GALNT17: variants seen among roughly 807,000 people sequenced by gnomAD.
The protein encoded by GALNT17 is polypeptide N-acetylgalactosaminyltransferase 17.
A neutral mutation model predicts 63.7 loss-of-function variants in GALNT17; 29 were observed. The observed-to-expected ratio is 0.46, with a 90% CI of 0.34 to 0.62. The LOEUF (loss-of-function observed/expected upper bound fraction) is 0.62. Ranked by LOEUF, GALNT17 falls within the 20% of genes least tolerant of loss-of-function variation. GALNT17 has a pLI of 0.01. For synonymous variants in GALNT17, 305 were observed against 318.3 expected (o/e 0.96, Z 0.45); for missense variants, 603 against 799.6 (o/e 0.75, Z 2.97).
intron 5 of GALNT17, among the ~76,000 whole-genome samples, chr7:71,480,885 T>C (rs1044406701): frequency 6.6e-6 from 1 of 152,182 alleles, no homozygotes; most frequent in African/African-American, 2.4e-5. Context: ...ATGGAGGCCT[T>C]GTGCTTTCAA....
chr7:71,285,994 A>T (rs945584186), intron 1 of GALNT17, among the ~76,000 whole-genome samples: 2 of 152,198 alleles, frequency 1.3e-5, no homozygotes, highest in African/African-American at 4.8e-5. Flanking sequence ...GCCAAACTAA[A>T]TGCGTTCCCA....
chr7:71,239,458 A>G (rs1789955664), intron 1 of GALNT17, among the ~76,000 whole-genome samples: 1 of 152,206 alleles, frequency 6.6e-6, no homozygotes, highest in African/African-American at 2.4e-5. Context: ...GACAACAGAG[A>G]GACACCCTGT....
At chr7:71,461,982 T>C (rs1251900063) in intron 5 of GALNT17, among the ~76,000 whole-genome samples, 1 of 152,172 alleles carries the variant, frequency 6.6e-6, no homozygotes, top group Non-Finnish European at 1.5e-5. Context: ...AGCAGTGCCA[T>C]TATTTGACTC....
At chr7:71,639,782 G>T (rs1209347618) in intron 6 of GALNT17, among the ~76,000 whole-genome samples, 30 of 152,186 alleles carry the variant, frequency 2.0e-4, no homozygotes, top group Non-Finnish European at 2.9e-5. Flanking sequence ...CATTGTTCTT[G>T]GTTGCAACTT....
At position 71,143,080 on chromosome 7, in the gene GALNT17, G is replaced by A. The variant is rs1327948922; in HGVS notation, c.238+10040G>A. Among the ~76,000 whole-genome samples the A allele has an allele frequency of 2.0e-5, 3 of 152,096 alleles. No homozygotes were observed. The East Asian group carries it at 5.8e-4, about 29-fold the overall frequency. On this transcript the variant is annotated intron_variant, in intron 1 of 10. Coordinates refer to ENST00000333538, the MANE Select transcript of GALNT17 (RefSeq NM_022479.3). ...ATTTTCATGCATGCACGATAGGTGC[G>A]AGGTAGTGAGATCACCTTGTGGAAG...
At position 71,571,367 on chromosome 7, in the gene GALNT17, G is replaced by A; in HGVS notation, c.1045G>A (p.Val349Ile). Reference protein sequence around the residue: ...EIGLLDPGMDVYGGENIELGI... With the variant: ...EIGLLDPGMDIYGGENIELGI... The stretch of plus-strand genomic sequence containing the variant: ...TGGTCTTCTGGATCCTGGCATGGAT[G>A]TATACGGAGGAGAAAATATTGAACT... The change falls in exon 6 of 11, where the codon GTA (valine) becomes ATA (isoleucine). Residue 349 changes from valine (V) to isoleucine (I), a missense_variant. Physicochemically the swap from Val to Ile is conservative, Grantham distance 29. Around this residue, in one of 3 missense-constraint regions of GALNT17, gnomAD observed 336 missense variants for 507.8 expected, o/e 0.66. Transcript: ENST00000333538. 1 of 1,614,076 alleles carries A rather than the reference G, an allele frequency of 6.2e-7. No individual in the cohort carries two copies. Among genetic ancestry groups the A allele is most frequent in the Non-Finnish European group, 8.5e-7 (1 of 1,179,934 alleles).
intron 5 of GALNT17, among the ~76,000 whole-genome samples, chr7:71,501,126 G>C (rs915662020): frequency 1.1e-4 from 16 of 151,502 alleles, no homozygotes; most frequent in African/African-American, 3.9e-4. Context: ...CTACCACCAT[G>C]CTCAGCTAAT....
At chr7:71,424,988 A>G (rs1016183541) in intron 5 of GALNT17, among the ~76,000 whole-genome samples, 1 of 152,052 alleles carries the variant, frequency 6.6e-6, no homozygotes, top group African/African-American at 2.4e-5. Flanking sequence ...CTTTCTATAT[A>G]TTAATATTTT....
intron 3 of GALNT17, among the ~76,000 whole-genome samples, chr7:71,398,129 G>A (rs1363389296): frequency 6.6e-6 from 1 of 151,988 alleles, no homozygotes; most frequent in African/African-American, 2.4e-5. Context: ...GATTAGATGG[G>A]GCATTTAGTG....
intron 5 of GALNT17, among the ~76,000 whole-genome samples, chr7:71,540,708 A>G (rs1052040420): frequency 6.6e-6 from 1 of 152,150 alleles, no homozygotes; most frequent in Non-Finnish European, 1.5e-5. Flanking sequence ...CCCTAGGAGT[A>G]GAAGTGTTCT....
chr7:71,206,591 G>T (rs1789275852), intron 1 of GALNT17, among the ~76,000 whole-genome samples: 1 of 152,112 alleles, frequency 6.6e-6, no homozygotes, highest in Admixed American at 6.5e-5. Context: ...TTAATTACTT[G>T]ATTTGCAGGC....
chr7:71,162,123 C>CCCTTCCTTCCTTCCTTCCTTCCTTCCTT (rs527578764), intron 1 of GALNT17, among the ~76,000 whole-genome samples: 18 of 53,796 alleles, frequency 3.3e-4, no homozygotes, highest in East Asian at 1.9e-3. Flanking sequence ...CTCCCTCCCT[C>CCCTTCCTTCCTTCCTTCCTTCCTTCCTT]CCTTCCTTCC....
chr7:71,571,457 T>C (rs1789441592), intron 6 of GALNT17, 55 bp downstream of exon 6: 3 of 1,451,524 alleles, frequency 2.1e-6, no homozygotes, highest in South Asian at 1.1e-5. Flanking sequence ...GAGCAGAGCG[T>C]CTTGGTCATC....
At chr7:71,208,272 C>T (rs562194090) in intron 1 of GALNT17, among the ~76,000 whole-genome samples, 4 of 152,092 alleles carry the variant, frequency 2.6e-5, no homozygotes, top group Admixed American at 2.6e-4. Context: ...TGGTGTTTCT[C>T]AAAACACAAC....
chr7:71,325,550 A>G (rs1474506788), intron 1 of GALNT17, among the ~76,000 whole-genome samples: 1 of 152,218 alleles, frequency 6.6e-6, no homozygotes, highest in Non-Finnish European at 1.5e-5. Flanking sequence ...CTGTAAACCC[A>G]TAAGTTTCCG....
At chr7:71,542,484 CAG>C (rs1391891785) in intron 5 of GALNT17, among the ~76,000 whole-genome samples, 9 of 152,030 alleles carry the variant, frequency 5.9e-5, no homozygotes, top group African/African-American at 2.2e-4. Flanking sequence ...ATCACGAGGT[CAG>C]GAGATCAAGA....
At chr7:71,186,608 A>C (rs965475765) in intron 1 of GALNT17, among the ~76,000 whole-genome samples, 1 of 152,202 alleles carries the variant, frequency 6.6e-6, no homozygotes, top group African/African-American at 2.4e-5. Context: ...TTTCACTTCC[A>C]GTTTGCCATT....
At chr7:71,679,845 A>G (rs1791212389) in intron 9 of GALNT17, among the ~76,000 whole-genome samples, 1 of 151,796 alleles carries the variant, frequency 6.6e-6, no homozygotes, top group South Asian at 2.1e-4. Context: ...GTGGGGTCTG[A>G]GAGTTTGCTT....
At chr7:71,162,008 T>C (rs933724452) in intron 1 of GALNT17, among the ~76,000 whole-genome samples, 1 of 148,704 alleles carries the variant, frequency 6.7e-6, no homozygotes, top group Non-Finnish European at 1.5e-5. Flanking sequence ...CTTCCCTTCT[T>C]CCTCCTTCCT....
Sources: allele counts gnomAD v4.1 joint callset (sites outside exome capture counted in the v4.1 genomes callset), GRCh38; gene constraint gnomAD v4.1.1; regional missense constraint gnomAD v4.1.1; transcripts MANE v1.5; gene names NCBI Gene and HGNC (gene_info 2026-07-23, HGNC 2026-07-21).